The following CATSPERT variants were observed in gnomAD, a reference collection of about 807,000 sequenced individuals.
CATSPERT encodes cation channel sperm-associated targeting subunit tau.
the CATSPERT span, among the ~76,000 whole-genome samples, chr2:201,504,112 C>T: frequency 6.1e-4 from 93 of 152,312 alleles, no homozygotes; most frequent in Admixed American, 1.0e-3. Context: ...TCCAGAGGAA[C>T]TTCTTTACAG....
chr2:201,601,856 G>A, the CATSPERT span: 1 of 1,603,036 alleles, frequency 6.2e-7, no homozygotes. Flanking sequence ...AGATGCGAAT[G>A]AATAAATTAG....
the CATSPERT span, among the ~76,000 whole-genome samples, chr2:201,522,713 G>A: frequency 2.6e-5 from 4 of 152,214 alleles, no homozygotes; most frequent in African/African-American, 4.8e-5. Flanking sequence ...GCTCCAACCT[G>A]TGTGGAGCCC....
At chr2:201,573,845 T>C in the CATSPERT span, among the ~76,000 whole-genome samples, 3 of 152,022 alleles carry the variant, frequency 2.0e-5, no homozygotes, top group East Asian at 1.9e-4. Context: ...TTAGTAGAGA[T>C]GGGGTTTCAC....
At chr2:201,568,419 G>C in the CATSPERT span, among the ~76,000 whole-genome samples, 1 of 152,180 alleles carries the variant, frequency 6.6e-6, no homozygotes, top group Non-Finnish European at 1.5e-5. Flanking sequence ...CACCTTGTCA[G>C]CCAAAAGCAA....
At chr2:201,547,700 C>T in the CATSPERT span, 2 of 634,588 alleles carry the variant, frequency 3.2e-6, no homozygotes, top group Non-Finnish European at 5.1e-6. Flanking sequence ...GCAATGTGAT[C>T]CATTTATAAA....
chr2:201,607,642 CT>C, the CATSPERT span, among the ~76,000 whole-genome samples: 22 of 152,048 alleles, frequency 1.4e-4, no homozygotes, highest in Admixed American at 8.5e-4. Flanking sequence ...ACACAAGACT[CT>C]GTCCACACAC....
At chr2:201,502,943 C>T in the CATSPERT span, among the ~76,000 whole-genome samples, 37 of 151,434 alleles carry the variant, frequency 2.4e-4, no homozygotes, top group South Asian at 1.0e-3. Context: ...GCTCCTAATC[C>T]TCTGTCTTCA....
chr2:201,487,602 C>T, the CATSPERT span: 6 of 1,606,084 alleles, frequency 3.7e-6, no homozygotes, highest in East Asian at 2.2e-5. Context: ...CACAAATGAG[C>T]GAACATTTTT....
the CATSPERT span, among the ~76,000 whole-genome samples, chr2:201,512,529 T>A: frequency 6.6e-6 from 1 of 152,232 alleles, no homozygotes; most frequent in African/African-American, 2.4e-5. Context: ...ATAAATGGAA[T>A]CATACAGTGT....
At chr2:201,606,430 C>T in the CATSPERT span, among the ~76,000 whole-genome samples, 1 of 152,112 alleles carries the variant, frequency 6.6e-6, no homozygotes, top group South Asian at 2.1e-4. Flanking sequence ...GATTTTTATC[C>T]AACCAAGTCT....
chr2:201,601,804 G>T, the CATSPERT span: 1 of 1,611,912 alleles, frequency 6.2e-7, no homozygotes, highest in Non-Finnish European at 8.5e-7. Flanking sequence ...TTTTTGGATA[G>T]CAAGCTACAC....
the CATSPERT span, among the ~76,000 whole-genome samples, chr2:201,522,971 G>A: frequency 6.6e-6 from 1 of 152,196 alleles, no homozygotes; most frequent in African/African-American, 2.4e-5. Context: ...CCCAACCGGG[G>A]TGTTTCCCAG....
At chr2:201,544,821 CAAA>C in the CATSPERT span, among the ~76,000 whole-genome samples, 101 of 92,594 alleles carry the variant, frequency 1.1e-3, no homozygotes, top group Admixed American at 1.7e-3. Flanking sequence ...CCTGTCTCTA[CAAA>C]AAAAAAAAAA....
At chr2:201,569,031 T>G in the CATSPERT span, among the ~76,000 whole-genome samples, 2 of 152,140 alleles carry the variant, frequency 1.3e-5, no homozygotes, top group Admixed American at 6.6e-5. Flanking sequence ...CTGGAATTAG[T>G]GTTAGTTCAG....
At chr2:201,505,847 T>C in the CATSPERT span, among the ~76,000 whole-genome samples, 1 of 152,228 alleles carries the variant, frequency 6.6e-6, no homozygotes, top group Non-Finnish European at 1.5e-5. Flanking sequence ...TAATGTAAGA[T>C]GTTAACAATG....
the CATSPERT span, among the ~76,000 whole-genome samples, chr2:201,507,414 A>G: frequency 1.8e-4 from 28 of 152,332 alleles, no homozygotes; most frequent in Admixed American, 1.7e-3. Context: ...ATACCAATCT[A>G]TAATTCAATG....
the CATSPERT span, chr2:201,554,489 T>G: frequency 3.3e-5 from 5 of 152,278 alleles, no homozygotes; most frequent in African/African-American, 9.6e-5. Context: ...ACTAATTAGT[T>G]TCATCAAATT....
the CATSPERT span, among the ~76,000 whole-genome samples, chr2:201,565,263 G>C: frequency 1.3e-5 from 2 of 151,182 alleles, no homozygotes; most frequent in African/African-American, 4.9e-5. Flanking sequence ...TTGAGGCCAG[G>C]AGTTCGAGAC....
the CATSPERT span, among the ~76,000 whole-genome samples, chr2:201,518,999 T>C: frequency 1.3e-5 from 2 of 152,174 alleles, no homozygotes; most frequent in Non-Finnish European, 1.5e-5. Context: ...ATCCAGCATA[T>C]AACACAATAA....
Sources: allele counts gnomAD v4.1 joint callset (sites outside exome capture counted in the v4.1 genomes callset), GRCh38; gene constraint gnomAD v4.1.1; transcripts MANE v1.5; gene names NCBI Gene and HGNC (gene_info 2026-07-23, HGNC 2026-07-21).